Variants in AKAP13 observed in about 807,000 individuals in gnomAD.
AKAP13 encodes A-kinase anchor protein 13.
In AKAP13, 80 loss-of-function variants were observed where a neutral mutation model predicts 264.5. The observed-to-expected ratio is 0.30, with a 90% CI of 0.25 to 0.36. The LOEUF (loss-of-function observed/expected upper bound fraction) is 0.36. Ranked by LOEUF, AKAP13 falls within the 10% of genes least tolerant of loss-of-function variation. AKAP13 has a pLI of 1.00. For synonymous variants in AKAP13, 1,380 were observed against 1,250.2 expected (o/e 1.10, Z -2.19); for missense variants, 3,712 against 3,435.2 (o/e 1.08, Z -2.01).
At chr15:85,635,528 C>G (rs1468454409) in intron 8 of AKAP13, among the ~76,000 whole-genome samples, 2 of 151,782 alleles carry the variant, frequency 1.3e-5, no homozygotes. Context: ...TTTTTGTTTT[C>G]CTAACAGTGG....
intron 8 of AKAP13, among the ~76,000 whole-genome samples, chr15:85,591,249 G>A (rs970904596): frequency 6.6e-6 from 1 of 152,090 alleles, no homozygotes; most frequent in Non-Finnish European, 1.5e-5. Flanking sequence ...ACTATTTCCT[G>A]AAGAATCATC....
chr15:85,398,781 C>T (rs185576559), intron 1 of AKAP13, among the ~76,000 whole-genome samples: 1 of 152,274 alleles, frequency 6.6e-6, no homozygotes, highest in Non-Finnish European at 1.5e-5. Context: ...GTCTTGAACT[C>T]CTGACCTCAA....
chr15:85,717,461 A>G, intron 21 of AKAP13, 59 bp downstream of exon 21: 1 of 1,188,258 alleles, frequency 8.4e-7, no homozygotes, highest in Non-Finnish European at 1.2e-6. Flanking sequence ...GTGTGTCATT[A>G]CCTAGAACAT....
chr15:85,538,521 G>A (rs1276323794), intron 4 of AKAP13, among the ~76,000 whole-genome samples: 7 of 142,346 alleles, frequency 4.9e-5, no homozygotes, highest in East Asian at 2.0e-4. Context: ...ACGGAGTCTC[G>A]CTCTGTCGCC....
intron 35 of AKAP13, among the ~76,000 whole-genome samples, chr15:85,741,870 C>T (rs531980102): frequency 5.3e-5 from 8 of 152,136 alleles, no homozygotes; most frequent in South Asian, 2.1e-4. Flanking sequence ...CATGGCGAAA[C>T]GGCGTCTCTA....
rs369963716 is a variant in AKAP13 at position 85,741,239 on chromosome 15, G to A, written c.7802G>A (p.Arg2601His). 15 of 1,608,946 alleles carry A rather than the reference G, an allele frequency of 9.3e-6. No individual in the cohort carries two copies. In the East Asian group the frequency reaches 1.6e-4, roughly 17 times the overall value. Reference protein sequence around the residue: ...QAQYLEEKRRREREWEARERE... With the variant: ...QAQYLEEKRRHEREWEARERE... Reference sequence around the variant, plus strand: ...CAGTACCTCGAGGAGAAGCGCAGGCGCGAGCGTGAGTGGGAAGCTCGTGAG... The same window carrying A: ...CAGTACCTCGAGGAGAAGCGCAGGCACGAGCGTGAGTGGGAAGCTCGTGAG... Residue 2601 changes from arginine (R) to histidine (H), a missense_variant, in exon 35 of 37, where the codon CGC (arginine) becomes CAC (histidine). Physicochemically the swap from Arg to His is conservative, Grantham distance 29. Transcript: ENST00000394518.
intron 8 of AKAP13, among the ~76,000 whole-genome samples, chr15:85,622,157 A>T (rs986491947): frequency 1.3e-5 from 2 of 152,214 alleles, no homozygotes; most frequent in Non-Finnish European, 2.9e-5. Context: ...GCTTAAAGGT[A>T]GACAATAAAT....
At chr15:85,705,434 T>C (rs1381318680) in intron 17 of AKAP13, among the ~76,000 whole-genome samples, 3 of 152,162 alleles carry the variant, frequency 2.0e-5, no homozygotes, top group East Asian at 1.9e-4. Flanking sequence ...TAAAATATTA[T>C]AGATTTTCAA....
chr15:85,607,487 T>C (rs903383323), intron 8 of AKAP13, among the ~76,000 whole-genome samples: 2 of 152,208 alleles, frequency 1.3e-5, no homozygotes, highest in African/African-American at 4.8e-5. Flanking sequence ...TTTGCCTTTA[T>C]TTTTATCCCC....
intron 2 of AKAP13, among the ~76,000 whole-genome samples, chr15:85,519,358 A>G (rs1037706475): frequency 2.0e-5 from 3 of 152,142 alleles, no homozygotes; most frequent in East Asian, 1.9e-4. Context: ...AATGTAAAAC[A>G]GGGGATGGTG....
At chr15:85,694,623 C>T (rs965416528) in intron 17 of AKAP13, among the ~76,000 whole-genome samples, 13 of 152,180 alleles carry the variant, frequency 8.5e-5, no homozygotes, top group African/African-American at 2.2e-4. Flanking sequence ...ATAATTTGCA[C>T]GTTTTTGCTG....
intron 14 of AKAP13, among the ~76,000 whole-genome samples, chr15:85,674,992 T>C (rs1597013138): frequency 6.6e-6 from 1 of 152,138 alleles, no homozygotes; most frequent in East Asian, 1.9e-4. Flanking sequence ...AACATGCATG[T>C]TCATTAAATG....
At chr15:85,613,464 G>A (rs999724381) in intron 8 of AKAP13, among the ~76,000 whole-genome samples, 13 of 151,824 alleles carry the variant, frequency 8.6e-5, no homozygotes, top group Non-Finnish European at 1.2e-4. Context: ...GGTGGATCAC[G>A]AGGTCAGGAG....
chr15:85,555,311 T>C (rs946801256), intron 5 of AKAP13: 3 of 631,080 alleles, frequency 4.8e-6, no homozygotes, highest in South Asian at 1.6e-5. Context: ...TGAGAAGATA[T>C]TGCAATAGCC....
intron 2 of AKAP13, 60 bp downstream of exon 2, chr15:85,485,813 A>T: frequency 2.6e-6 from 4 of 1,517,422 alleles, no homozygotes; most frequent in Non-Finnish European, 3.7e-6. Context: ...TACTTGTTAT[A>T]ATAAGCCACA....
At chr15:85,568,920 C>G (rs1156263248) in intron 5 of AKAP13, among the ~76,000 whole-genome samples, 1 of 152,120 alleles carries the variant, frequency 6.6e-6, no homozygotes, top group Non-Finnish European at 1.5e-5. Flanking sequence ...TGCCCCATAA[C>G]AAGAGTGGCT....
intron 8 of AKAP13, among the ~76,000 whole-genome samples, chr15:85,634,870 T>C (rs999129689): frequency 1.3e-5 from 2 of 151,508 alleles, no homozygotes; most frequent in African/African-American, 4.8e-5. Context: ...ACCGTAATAC[T>C]CTTGAGATTC....
chr15:85,536,370 T>A (rs1480542767), intron 4 of AKAP13: 1 of 152,232 alleles, frequency 6.6e-6, no homozygotes, highest in Admixed American at 6.5e-5. Context: ...ATATGTTGCT[T>A]GTAGGAATGC....
intron 1 of AKAP13, among the ~76,000 whole-genome samples, chr15:85,408,097 G>T (rs1012220347): frequency 6.6e-6 from 1 of 151,624 alleles, no homozygotes; most frequent in South Asian, 2.1e-4. Context: ...GCACTGAGGG[G>T]CATGATTCAT....
Sources: allele counts gnomAD v4.1 joint callset (sites outside exome capture counted in the v4.1 genomes callset), GRCh38; gene constraint gnomAD v4.1.1; transcripts MANE v1.5; gene names NCBI Gene and HGNC (gene_info 2026-07-23, HGNC 2026-07-21).